NKTR: variants seen among roughly 807,000 people sequenced by gnomAD.
NKTR encodes NK-tumor recognition protein.
In NKTR, 67 loss-of-function variants were observed where a neutral mutation model predicts 156.3. That is an observed-to-expected ratio of 0.43 (90% confidence interval 0.35 to 0.53). The LOEUF (loss-of-function observed/expected upper bound fraction) is 0.53, where lower values mean the gene tolerates loss of function less well. Among genes scored for constraint, NKTR ranks in the 20% least tolerant of loss-of-function variants. NKTR has a pLI of 0.01. For synonymous variants in NKTR, 640 were observed against 596.6 expected (o/e 1.07, Z -1.06); for missense variants, 1,604 against 1,730.9 (o/e 0.93, Z 1.30).
intron 2 of NKTR, among the ~76,000 whole-genome samples, chr3:42,613,823 A>G (rs536965520): frequency 6.6e-6 from 1 of 152,158 alleles, no homozygotes; most frequent in Non-Finnish European, 1.5e-5. Flanking sequence ...AAGGATCTGC[A>G]TGTTGGTATT....
intron 2 of NKTR, among the ~76,000 whole-genome samples, chr3:42,605,988 G>T (rs555603894): frequency 6.6e-6 from 1 of 152,084 alleles, no homozygotes; most frequent in African/African-American, 2.4e-5. Flanking sequence ...TATAACAATC[G>T]GATAAGCAGG....
chr3:42,631,516 C>A (rs1708894506), intron 8 of NKTR, among the ~76,000 whole-genome samples, 200 bp downstream of exon 8: 1 of 152,180 alleles, frequency 6.6e-6, no homozygotes, highest in Non-Finnish European at 1.5e-5. Context: ...CTTATCCACA[C>A]CACCAGTATT....
At chr3:42,634,296 T>C (rs1254731043) in intron 10 of NKTR, among the ~76,000 whole-genome samples, 1 of 152,214 alleles carries the variant, frequency 6.6e-6, no homozygotes, top group Non-Finnish European at 1.5e-5. Context: ...TGTGTTAGAC[T>C]CAAGTTTAGA....
At chr3:42,618,160 C>T (rs888647164) in intron 3 of NKTR, among the ~76,000 whole-genome samples, 3 of 151,570 alleles carry the variant, frequency 2.0e-5, no homozygotes, top group Non-Finnish European at 4.4e-5. Context: ...AGACTAGCCT[C>T]GCCAACATGG....
chr3:42,615,785 A>G (rs1173526066), intron 2 of NKTR, among the ~76,000 whole-genome samples: 2 of 152,140 alleles, frequency 1.3e-5, no homozygotes, highest in Non-Finnish European at 2.9e-5. Context: ...ATTTATGAGG[A>G]CTGATCAAAA....
At position 42,630,848 on chromosome 3, in the gene NKTR, G is replaced by A. The variant is rs1174017842; in HGVS notation, c.404+273G>A. On this transcript the variant is annotated intron_variant, in intron 7 of 16. Coordinates refer to ENST00000232978, the MANE Select transcript of NKTR (RefSeq NM_005385.4). ...CTCTTCAGTTTTCCAAAATGGGTCG[G>A]ATAGTAAGCAGTACAATATCATGTG... The A allele has an allele frequency of 3.0e-6, 4 of 1,337,970 alleles. No homozygotes were observed. The African/African-American group carries it at 6.0e-5, about 20-fold the overall frequency. The allele number at this position is 1,337,970 out of a possible 1,614,324, so 82.9% of individuals were successfully genotyped here.
Position 42,634,607 on chromosome 3 carries a change from T to G in NKTR, c.930-6T>G. On this transcript the variant is annotated splice_region_variant and splice_polypyrimidine_tract_variant and intron_variant, in intron 10 of 16. Transcript: ENST00000232978. ...TTTAATTTTCATCACAATCTTCTTT[T>G]CCTAGGAAGATTCCTGATGTTGCAC... 1 of 1,498,322 alleles carries G rather than the reference T, an allele frequency of 6.7e-7. No homozygotes were observed. Among genetic ancestry groups the G allele is most frequent in the Non-Finnish European group, 9.1e-7 (1 of 1,100,922 alleles). 92.8% of individuals were successfully genotyped at this position (1,498,322 alleles called of 1,614,324 possible).
At chr3:42,633,437 CTT>C in intron 9 of NKTR, 141 bp from the exon 10 acceptor site, 2 of 1,415,996 alleles carry the variant, frequency 1.4e-6, no homozygotes, top group Non-Finnish European at 1.8e-6. Context: ...ATATTGTTCT[CTT>C]TGTGAAAATC....
At chr3:42,642,400 T>C in intron 13 of NKTR, 101 bp from the exon 14 acceptor site, 1 of 829,878 alleles carries the variant, frequency 1.2e-6, no homozygotes, top group Non-Finnish European at 2.0e-6. Flanking sequence ...GAGAGGCCTT[T>C]CTTCTTGTTG....
chr3:42,601,855 T>C (rs1412575362), intron 2 of NKTR: 1 of 152,230 alleles, frequency 6.6e-6, no homozygotes, highest in African/African-American at 2.4e-5. Flanking sequence ...CTGCTACTGT[T>C]CTAGGGTCTG....
intron 4 of NKTR, 76 bp from the exon 5 acceptor site, chr3:42,619,588 G>A: frequency 1.3e-6 from 2 of 1,591,962 alleles, no homozygotes; most frequent in Non-Finnish European, 1.7e-6. Context: ...TCAGCGAATT[G>A]AAGCTATCAA....
Position 42,621,268 on chromosome 3 carries a change from G to C in NKTR, c.287-161G>C, listed in dbSNP as rs995122757. 3.8e-6 allele frequency: 5 copies of C among 1,319,130 alleles called. 1 individual carries two copies. The Admixed American group carries it at 1.2e-4, about 31-fold the overall frequency. 81.7% of individuals were successfully genotyped at this position (1,319,130 alleles called of 1,614,324 possible). On this transcript the variant is annotated intron_variant, in intron 5 of 16. Transcript: ENST00000232978. ...TATCTTTTGGCCTTTTTATGCTTTT[G>C]TTATTTGATTAGCTTAAATTTTTCT...
rs759457553 is a variant in NKTR at position 42,639,742 on chromosome 3, A to T, written c.4038A>T (p.Ser1346=). Residue 1346 remains serine (S), a synonymous_variant, in exon 13 of 17, where the codon TCA becomes TCT. Coordinates refer to ENST00000232978, the MANE Select transcript of NKTR (RefSeq NM_005385.4). ...GAAGTCGATCGAGAAGTTCCACATC[A>T]TCTTATCGGTGAGCAATATTCTCTT... The part of the protein sequence containing the change: ...HSRSRSRSST[S]SYRSRSYSRS... 1.3e-6 allele frequency: 2 copies of T among 1,599,874 alleles called. No individual in the cohort carries two copies. Among genetic ancestry groups the T allele is most frequent in the Non-Finnish European group, 1.7e-6 (2 of 1,171,656 alleles).
At position 42,643,943 on chromosome 3, in the gene NKTR, G is replaced by T. The variant is rs747397486; in HGVS notation, c.4241G>T (p.Arg1414Leu). Residue 1414 changes from arginine to leucine, a missense_variant, in exon 16 of 17, where the codon CGA (arginine) becomes CTA (leucine). Physicochemically the swap from Arg to Leu is moderately radical, Grantham distance 102. Coordinates refer to ENST00000232978, the MANE Select transcript of NKTR (RefSeq NM_005385.4). ...AGCTACTATAGCAGGAGTCGGAGTC[G>T]AAGTAGAAGCCAGAGAAGTGACAGT... The part of the protein sequence containing the change: ...YDSYYSRSRS[R>L]SRSQRSDSYH... 3.7e-6 allele frequency: 6 copies of T among 1,614,034 alleles called. No individual in the cohort carries two copies. The highest frequency in any genetic ancestry group is 3.4e-6 in the Non-Finnish European group (4 of 1,179,930).
chr3:42,610,735 C>G (rs1259072195), intron 2 of NKTR, among the ~76,000 whole-genome samples: 1 of 151,944 alleles, frequency 6.6e-6, no homozygotes, highest in African/African-American at 2.4e-5. Context: ...TATATCATCT[C>G]TCCCAGGCTT....
chr3:42,607,969 C>CTTTTTTTTTTTTTTTTTTTTTTTT lies in NKTR; in HGVS notation c.58+6925_58+6948dup, dbSNP rs201803926. ...TGCCAATCGCAAGTCCTGAGTCGCT[C>CTTTTTTTTTTTTTTTTTTTTTTTT]TTTTTTTTTTTTTTTTTTTTTTTTT... On this transcript the variant is annotated intron_variant, in intron 2 of 16. Transcript: ENST00000232978. Among the ~76,000 whole-genome samples the CTTTTTTTTTTTTTTTTTTTTTTTT allele has an allele frequency of 1.3e-4, 10 of 74,970 alleles. 2 individuals are homozygous for CTTTTTTTTTTTTTTTTTTTTTTTT. The highest frequency in any genetic ancestry group is 3.0e-4 in the East Asian group (1 of 3,378). 49.2% of individuals were successfully genotyped at this position (74,970 alleles called of 152,430 possible). A position where few individuals can be genotyped will look rare whatever the true frequency, so the allele number is the denominator to read the frequency against.
At chr3:42,611,337 G>A (rs897234962) in intron 2 of NKTR, among the ~76,000 whole-genome samples, 3 of 152,184 alleles carry the variant, frequency 2.0e-5, no homozygotes, top group Non-Finnish European at 1.5e-5. Context: ...TGTTTTTCTG[G>A]CTATTTCCTT....
At chr3:42,602,163 A>G (rs1705561411) in intron 2 of NKTR, 1 of 152,222 alleles carries the variant, frequency 6.6e-6, no homozygotes, top group South Asian at 2.1e-4. Flanking sequence ...ATGGTCTTAT[A>G]TATAATACCT....
rs1577575484 is a variant in NKTR, at chr3:42,639,109, T to C, written c.3405T>C (p.Asp1135=). The C allele has an allele frequency of 6.2e-7, 1 of 1,614,138 alleles. No individual in the cohort carries two copies. The highest frequency in any genetic ancestry group is 2.2e-5 in the East Asian group (1 of 44,884). The stretch of plus-strand genomic sequence containing the variant: ...ACAACATGGAGATCTGCACTCCTGA[T>C]AGGAGTTCCCCAGCAAAAGTAGAGG... ...TDDNMEICTP[D]RSSPAKVEET... Residue 1135 remains aspartate, a synonymous_variant, in exon 13 of 17, where the codon GAT becomes GAC. Transcript: ENST00000232978.
Sources: gnomAD v4.1 joint callset for allele counts (sites outside exome capture counted in the v4.1 genomes callset) on GRCh38, gnomAD v4.1.1 for gene constraint, MANE v1.5 for transcripts, NCBI Gene and HGNC (gene_info 2026-07-23, HGNC 2026-07-21) for gene names.